The following NAV3 variants were observed in gnomAD, a reference collection of about 807,000 sequenced individuals.
NAV3 encodes the protein neuron navigator 3, also known as pore membrane and/or filament interacting like protein 1.
NAV3 carries 87 observed loss-of-function variants against 244.7 expected under a neutral mutation model. That is an observed-to-expected ratio of 0.36 (90% confidence interval 0.30 to 0.42). The LOEUF is 0.42. Among genes scored for constraint, NAV3 ranks in the 20% least tolerant of loss-of-function variants. The pLI is 1.00. For missense variants in NAV3, 2,663 were observed against 2,893.3 expected, an observed-to-expected ratio of 0.92 and a Z score of 1.83; for synonymous variants, 1,126 against 1,042.2, an observed-to-expected ratio of 1.08 and a Z score of -1.55.
chr12:78,112,028 C>T (rs1955119091), intron 12 of NAV3, among the ~76,000 whole-genome samples: 1 of 152,116 alleles, frequency 6.6e-6, no homozygotes, highest in East Asian at 1.9e-4. Flanking sequence ...GTAGAAGGTT[C>T]TCATTTATTG....
intron 12 of NAV3, among the ~76,000 whole-genome samples, chr12:78,081,532 T>C (rs890797507): frequency 6.6e-6 from 1 of 152,196 alleles, no homozygotes; most frequent in African/African-American, 2.4e-5. Flanking sequence ...TTGCTGGCAG[T>C]CTCTTGCAGG....
At chr12:78,144,447 T>C (rs752350061) in intron 20 of NAV3, among the ~76,000 whole-genome samples, 12 of 152,100 alleles carry the variant, frequency 7.9e-5, no homozygotes, top group Non-Finnish European at 1.6e-4. Context: ...ATCCCACACC[T>C]AAGCTACTGA....
intron 1 of NAV3, 46 bp from the exon 2 acceptor site, chr12:77,940,272 TG>T (rs2137465233): frequency 7.3e-7 from 1 of 1,371,244 alleles, no homozygotes; most frequent in Admixed American, 1.8e-5. Flanking sequence ...TTATTGTCTC[TG>T]TTTTCCCTCA....
At chr12:78,143,504 G>T (rs1160603509) in intron 20 of NAV3, 5 of 309,662 alleles carry the variant, frequency 1.6e-5, no homozygotes, top group Non-Finnish European at 3.2e-5. Context: ...AGTGGCATAC[G>T]TCTGTAATCC....
At chr12:77,779,572 T>A (rs1005855170) in intron 2 of NAV3, among the ~76,000 whole-genome samples, 2 of 152,226 alleles carry the variant, frequency 1.3e-5, no homozygotes, top group Admixed American at 6.5e-5. Context: ...TTTTTCAGGT[T>A]TTATAACTTA....
upstream of NAV3, among the ~76,000 whole-genome samples, chr12:77,827,260 A>AAAC (rs1474559232): frequency 3.1e-4 from 41 of 134,360 alleles, 1 homozygote; most frequent in South Asian, 5.0e-4. Flanking sequence ...AAAAAAAAAA[A>AAAC]AGTAATGTGG....
chr12:77,617,059 T>A (rs1200773513), intron 2 of NAV3, among the ~76,000 whole-genome samples: 2 of 152,206 alleles, frequency 1.3e-5, no homozygotes, highest in Non-Finnish European at 2.9e-5. Context: ...CTTTTGTGAC[T>A]TTCTCTTTAA....
chr12:78,050,321 T>G (rs946271437), intron 10 of NAV3, among the ~76,000 whole-genome samples: 3 of 152,238 alleles, frequency 2.0e-5, no homozygotes, highest in Non-Finnish European at 4.4e-5. Flanking sequence ...TTTATGTCTT[T>G]TTCAGTATAA....
At chr12:78,159,846 C>A (rs1957452341) in intron 23 of NAV3, among the ~76,000 whole-genome samples, 1 of 152,062 alleles carries the variant, frequency 6.6e-6, no homozygotes, top group Non-Finnish European at 1.5e-5. Flanking sequence ...TAAAAGAATA[C>A]TGAATGTTAA....
intron 2 of NAV3, among the ~76,000 whole-genome samples, chr12:77,662,347 T>G (rs1384942304): frequency 6.6e-6 from 1 of 152,032 alleles, no homozygotes; most frequent in Non-Finnish European, 1.5e-5. Context: ...TCTGTTAAAT[T>G]TATTCTGAAC....
intron 9 of NAV3, among the ~76,000 whole-genome samples, chr12:78,028,414 T>C (rs1878434264): frequency 6.6e-6 from 1 of 152,206 alleles, no homozygotes; most frequent in South Asian, 2.1e-4. Context: ...TCCAAGATCA[T>C]TGCCGATGAA....
intron 1 of NAV3, among the ~76,000 whole-genome samples, chr12:77,842,540 C>G (rs1875858543): frequency 6.6e-6 from 1 of 150,672 alleles, no homozygotes; most frequent in Non-Finnish European, 1.5e-5. Flanking sequence ...AAGTATCCAG[C>G]AAGAAGGAGG....
At chr12:77,874,286 A>G (rs1881519252) in intron 1 of NAV3, among the ~76,000 whole-genome samples, 1 of 152,054 alleles carries the variant, frequency 6.6e-6, no homozygotes, top group Admixed American at 6.6e-5. Context: ...TGCTGCAATC[A>G]CGGATCACTG....
intron 3 of NAV3, among the ~76,000 whole-genome samples, chr12:77,951,585 T>G (rs942261929): frequency 6.6e-6 from 1 of 152,090 alleles, no homozygotes; most frequent in Non-Finnish European, 1.5e-5. Flanking sequence ...ACCCAAAGGA[T>G]TATAAATCAT....
intron 2 of NAV3, among the ~76,000 whole-genome samples, chr12:77,760,377 T>G (rs1173239980): frequency 6.6e-6 from 1 of 152,184 alleles, no homozygotes; most frequent in Non-Finnish European, 1.5e-5. Flanking sequence ...CAAGTTTGTT[T>G]TGGAGACAGA....
chr12:78,189,916 G>T, intron 33 of NAV3, 68 bp from the exon 34 acceptor site: 2 of 1,186,782 alleles, frequency 1.7e-6, no homozygotes, highest in Non-Finnish European at 2.5e-6. Flanking sequence ...TTGCTGTTTA[G>T]CATGATATTT....
Position 78,150,629 on chromosome 12 carries a change from C to CCACACACA in NAV3, c.4785+1711_4785+1712insACACACAC, listed in dbSNP as rs765969323. On this transcript the variant is annotated intron_variant, in intron 22 of 39. Transcript: ENST00000397909. ...ACTTAATACACACGTGCAAAAGCTT[C>CCACACACA]CTCACACACACACACACACACACAC... Among the ~76,000 whole-genome samples, 101 of 122,636 alleles carry CCACACACA rather than the reference C, an allele frequency of 8.2e-4. 1 individual carries two copies. The highest frequency in any genetic ancestry group is 2.2e-3 in the Admixed American group (23 of 10,326). The allele number at this position is 122,636 out of a possible 152,430, so 80.5% of individuals were successfully genotyped here. A position where few individuals can be genotyped will look rare whatever the true frequency, so the allele number is the denominator to read the frequency against.
chr12:78,198,170 C>T (rs1277449049), intron 35 of NAV3, among the ~76,000 whole-genome samples: 1 of 151,698 alleles, frequency 6.6e-6, no homozygotes, highest in East Asian at 1.9e-4. Context: ...TTGGAAGTTA[C>T]AAACGATCAG....
At chr12:78,113,150 G>T (rs943004083) in intron 12 of NAV3, among the ~76,000 whole-genome samples, 20 of 152,346 alleles carry the variant, frequency 1.3e-4, no homozygotes, top group African/African-American at 4.6e-4. Flanking sequence ...CTGTGGCTTT[G>T]CAGGGTACAG....
Sources: gnomAD v4.1 joint callset for allele counts (sites outside exome capture counted in the v4.1 genomes callset) on GRCh38, gnomAD v4.1.1 for gene constraint, MANE v1.5 for transcripts, NCBI Gene and HGNC (gene_info 2026-07-23, HGNC 2026-07-21) for gene names.